The following GRM5 variants were observed in gnomAD, a reference collection of about 807,000 sequenced individuals.
GRM5 encodes glutamate metabotropic receptor 5, also known as metabotropic glutamate receptor 5.
A neutral mutation model predicts 83.1 loss-of-function variants in GRM5; 19 were observed. The observed-to-expected ratio is 0.23, with a 90% CI of 0.16 to 0.34. The LOEUF is 0.34. Ranked by LOEUF, GRM5 falls within the 10% of genes least tolerant of loss-of-function variation. The pLI, the probability that GRM5 is intolerant of heterozygous loss-of-function variation, is 1.00. For missense variants in GRM5, 1,160 were observed against 1,588.3 expected, an observed-to-expected ratio of 0.73 and a Z score of 4.58; for synonymous variants, 675 against 633.6, an observed-to-expected ratio of 1.07 and a Z score of -0.98.
intron 1 of GRM5, among the ~76,000 whole-genome samples, chr11:89,064,716 C>A (rs1211926879): frequency 6.6e-6 from 1 of 151,694 alleles, no homozygotes. Context: ...AGAGATCTGT[C>A]CAGGAACTAC....
At chr11:88,739,980 T>A (rs933406640) in intron 3 of GRM5, among the ~76,000 whole-genome samples, 1 of 152,082 alleles carries the variant, frequency 6.6e-6, no homozygotes, top group African/African-American at 2.4e-5. Flanking sequence ...AGAAGTTATT[T>A]TGAGACTTCT....
At chr11:88,540,985 T>C (rs308889) in intron 8 of GRM5, among the ~76,000 whole-genome samples, 111,451 of 151,794 alleles carry the variant, frequency 0.73, 41,117 homozygotes, top group African/African-American at 0.79. Context: ...CTCCTGACCT[T>C]GTGATCCGCC....
intron 2 of GRM5, among the ~76,000 whole-genome samples, chr11:88,854,077 T>TATATATATATATATATATATATATATAC (rs927592084): frequency 1.0e-4 from 15 of 149,346 alleles, no homozygotes; most frequent in African/African-American, 3.7e-4. Context: ...TATATATATA[T>TATATATATATATATATATATATATATAC]ACACAATGAA....
At chr11:88,875,688 T>C (rs1944841799) in intron 2 of GRM5, among the ~76,000 whole-genome samples, 1 of 152,096 alleles carries the variant, frequency 6.6e-6, no homozygotes, top group Non-Finnish European at 1.5e-5. Context: ...TTCTCCCTGA[T>C]CCATGAGCTT....
At chr11:88,993,967 T>G (rs142132874) in intron 2 of GRM5, among the ~76,000 whole-genome samples, 1 of 152,258 alleles carries the variant, frequency 6.6e-6, no homozygotes, top group Non-Finnish European at 1.5e-5. Context: ...ACTCTCTCGC[T>G]TTGGCCTCCG....
At chr11:88,929,406 C>T (rs1937635077) in intron 2 of GRM5, among the ~76,000 whole-genome samples, 1 of 152,002 alleles carries the variant, frequency 6.6e-6, no homozygotes, top group Non-Finnish European at 1.5e-5. Context: ...ATTAAAAATA[C>T]ATTTAATATG....
chr11:88,768,722 G>C (rs563298800), intron 3 of GRM5, among the ~76,000 whole-genome samples: 1 of 151,928 alleles, frequency 6.6e-6, no homozygotes, highest in African/African-American at 2.4e-5. Flanking sequence ...TGGGGAGAGA[G>C]ATGGGATGAC....
chr11:88,669,837 G>A (rs1465678350), intron 3 of GRM5, among the ~76,000 whole-genome samples: 1 of 151,268 alleles, frequency 6.6e-6, no homozygotes, highest in African/African-American at 2.4e-5. Flanking sequence ...ATAATGTACA[G>A]TTAATTCTCT....
At chr11:88,992,976 T>G (rs1275579320) in intron 2 of GRM5, among the ~76,000 whole-genome samples, 4 of 151,354 alleles carry the variant, frequency 2.6e-5, no homozygotes, top group Admixed American at 2.6e-4. Context: ...GTAACAAACC[T>G]GCACGTTGTG....
At chr11:88,623,262 T>G (rs1009925159) in intron 4 of GRM5, among the ~76,000 whole-genome samples, 1 of 151,682 alleles carries the variant, frequency 6.6e-6, no homozygotes, top group African/African-American at 2.4e-5. Context: ...ATTTTTTGTA[T>G]TTTTAGTATT....
intron 2 of GRM5, among the ~76,000 whole-genome samples, chr11:88,969,793 C>T (rs897058487): frequency 2.6e-5 from 4 of 152,112 alleles, no homozygotes; most frequent in South Asian, 2.1e-4. Flanking sequence ...TGCTAAATTT[C>T]GTGCACAGAA....
intron 3 of GRM5, among the ~76,000 whole-genome samples, chr11:88,677,409 T>G (rs1403922614): frequency 6.6e-6 from 1 of 152,126 alleles, no homozygotes; most frequent in East Asian, 1.9e-4. Context: ...AGATTTCTCT[T>G]AGCCTACTCA....
intron 2 of GRM5, among the ~76,000 whole-genome samples, chr11:88,855,192 C>G (rs192659502): frequency 2.2e-4 from 34 of 151,892 alleles, no homozygotes; most frequent in Non-Finnish European, 3.8e-4. Flanking sequence ...CTTTACTTCT[C>G]TTTCCATAAA....
chr11:88,824,764 C>T (rs930653885), intron 3 of GRM5, among the ~76,000 whole-genome samples: 2 of 152,154 alleles, frequency 1.3e-5, no homozygotes, highest in African/African-American at 2.4e-5. Context: ...CCTGTACTGG[C>T]CCTTGGCCTG....
chr11:88,554,754 C>A (rs1189593584), intron 8 of GRM5, among the ~76,000 whole-genome samples: 1 of 152,018 alleles, frequency 6.6e-6, no homozygotes, highest in Non-Finnish European at 1.5e-5. Context: ...AAAAGTGTTC[C>A]CCTCAACCAG....
chr11:88,796,428 C>T (rs1943274697), intron 3 of GRM5, among the ~76,000 whole-genome samples: 1 of 152,088 alleles, frequency 6.6e-6, no homozygotes, highest in Non-Finnish European at 1.5e-5. Context: ...TAAAAAGTGT[C>T]TTTTCTTTTA....
At chr11:89,010,867 A>T (rs10830199) in intron 2 of GRM5, among the ~76,000 whole-genome samples, 1 of 151,536 alleles carries the variant, frequency 6.6e-6, no homozygotes, top group South Asian at 2.1e-4. Flanking sequence ...AGCAAAGCTA[A>T]TATCTGCAGA....
chr11:88,881,494 TAAA>T (rs201534274), intron 2 of GRM5, among the ~76,000 whole-genome samples: 17,715 of 148,200 alleles, frequency 0.12, 1,706 homozygotes, highest in East Asian at 0.27. Context: ...TCTGAAAACT[TAAA>T]AAGCAAGTTA....
chr11:88,626,438 T>C (rs6483302), intron 4 of GRM5, among the ~76,000 whole-genome samples: 151,432 of 152,334 alleles, frequency 0.99, 75,278 homozygotes, highest in South Asian at 1. Flanking sequence ...TTCTGACTTG[T>C]GTTTATTTGA....
Sources: gnomAD v4.1 joint callset for allele counts (sites outside exome capture counted in the v4.1 genomes callset) on GRCh38, gnomAD v4.1.1 for gene constraint, MANE v1.5 for transcripts, NCBI Gene and HGNC (gene_info 2026-07-23, HGNC 2026-07-21) for gene names.